ADSS1: variants seen among roughly 807,000 people sequenced by gnomAD.
ADSS1 encodes the protein adenylosuccinate synthase 1, also known as adenylosuccinate synthetase isozyme 1.
A neutral mutation model predicts 59.1 loss-of-function variants in ADSS1; 57 were observed. The ratio of observed to expected loss-of-function variants is 0.97; its 90% CI spans 0.78 to 1.20. The LOEUF (loss-of-function observed/expected upper bound fraction) is 1.20. Among genes scored for constraint, ADSS1 ranks in the 50% most tolerant of loss-of-function variants. The probability of loss-of-function intolerance (pLI) is 0.00; values close to 1 mark genes in which losing one functional copy is unlikely to be tolerated. For synonymous variants in ADSS1, 247 were observed against 249.4 expected (o/e 0.99, Z 0.09); for missense variants, 603 against 610.3 (o/e 0.99, Z 0.13).
chr14:104,738,451 T>C lies in ADSS1; in HGVS notation c.358+13T>C. On this transcript the variant is annotated intron_variant, in intron 3 of 12. Coordinates refer to ENST00000330877, the MANE Select transcript of ADSS1 (RefSeq NM_152328.5). ...AATGAAAAGAAAGGTAGGTCCAAGCTCCTGCAGACTTGCCCTGTCCCAGAC... is the reference window on the plus strand; with the variant it reads ...AATGAAAAGAAAGGTAGGTCCAAGCCCCTGCAGACTTGCCCTGTCCCAGAC... 3.7e-6 allele frequency: 6 copies of C among 1,613,206 alleles called. No homozygotes were observed. The highest frequency in any genetic ancestry group is 5.1e-6 in the Non-Finnish European group (6 of 1,179,636).
chr14:104,739,914 T>C (rs1595207993), intron 5 of ADSS1, 98 bp downstream of exon 5: 2 of 1,311,184 alleles, frequency 1.5e-6, no homozygotes, highest in Admixed American at 1.9e-5. Context: ...ACGAGGAGGG[T>C]ACCTCAACCC....
At position 104,741,877 on chromosome 14, in the gene ADSS1, T is replaced by G. The variant is rs765472066; in HGVS notation, c.823T>G (p.Cys275Gly). Residue 275 changes from cysteine (C) to glycine (G), a missense_variant, in exon 9 of 13, where the codon TGC becomes GGC. By Grantham distance (159) the Cys-to-Gly change is radical (BLOSUM62 -3). Coordinates refer to ENST00000330877, the MANE Select transcript of ADSS1 (RefSeq NM_152328.5). ...CTACCCCTTTGTGACTTCATCCAAC[T>G]GCACCGTGGGCGGTGTGTGCACGGG... ...GTYPFVTSSNCTVGGVCTGLG... is the reference protein window; with the variant it reads ...GTYPFVTSSNGTVGGVCTGLG... 13 of 1,613,300 alleles carry G rather than the reference T, an allele frequency of 8.1e-6. No individual in the cohort carries two copies. The highest frequency in any genetic ancestry group is 2.2e-5 in the South Asian group (2 of 91,094).
chr14:104,725,764 G>A (rs1273033222), intron 1 of ADSS1, among the ~76,000 whole-genome samples: 4 of 152,164 alleles, frequency 2.6e-5, no homozygotes, highest in African/African-American at 7.2e-5. Flanking sequence ...ACCCTCCAGG[G>A]CGCCCTCAGC....
At chr14:104,738,669 A>T (rs1406405852) in intron 3 of ADSS1, among the ~76,000 whole-genome samples, 1 of 152,232 alleles carries the variant, frequency 6.6e-6, no homozygotes, top group Non-Finnish European at 1.5e-5. Context: ...GCCAGGTAGC[A>T]CCTGGGAAGT....
At position 104,724,524 on chromosome 14, in the gene ADSS1, G is replaced by T. The variant is rs559509453; in HGVS notation, c.192+62G>T. On this transcript the variant is annotated intron_variant, in intron 1 of 12. Coordinates refer to ENST00000330877, the MANE Select transcript of ADSS1 (RefSeq NM_152328.5). Reference sequence around the variant, plus strand: ...CAGCGAGCCCCCCTCCCCCGACCCAGACGGCCCCTGTCCTCCCATGCCCTG... The same window carrying T: ...CAGCGAGCCCCCCTCCCCCGACCCATACGGCCCCTGTCCTCCCATGCCCTG... 10 of 984,372 alleles carry T rather than the reference G, an allele frequency of 1.0e-5. No homozygotes were observed. In the South Asian group the frequency reaches 4.7e-4, roughly 46 times the overall value. The allele number at this position is 984,372 out of a possible 1,614,324, so 61.0% of individuals were successfully genotyped here.
chr14:104,746,790 T>C (rs2140835944), intron 12 of ADSS1, 161 bp from the exon 13 acceptor site: 1 of 713,968 alleles, frequency 1.4e-6, no homozygotes, highest in South Asian at 1.9e-5. Context: ...TCCCCCAACA[T>C]GCACTACCTT....
At chr14:104,735,676 A>T (rs1042421573) in intron 2 of ADSS1, among the ~76,000 whole-genome samples, 1 of 152,016 alleles carries the variant, frequency 6.6e-6, no homozygotes, top group African/African-American at 2.4e-5. Context: ...CTCCTTCCAC[A>T]TCGCCTGCCC....
Position 104,747,103 on chromosome 14 carries a change from G to A in ADSS1, c.*100G>A. 9.1e-7 allele frequency: 1 copy of A among 1,095,116 alleles called. No individual in the cohort carries two copies. Among genetic ancestry groups the A allele is most frequent in the Admixed American group, 2.3e-5 (1 of 43,164 alleles). The allele number at this position is 1,095,116 out of a possible 1,614,324, so 67.8% of individuals were successfully genotyped here. A position where few individuals can be genotyped will look rare whatever the true frequency, so the allele number is the denominator to read the frequency against. On this transcript the variant is annotated 3_prime_UTR_variant, in exon 13 of 13. Transcript: ENST00000330877. ...GCCGCCACAACCAACACCAAAGCAG[G>A]AAAACCATTTTCTGTACTTTTATAT...
At chr14:104,731,012 C>G (rs1426306875) in intron 1 of ADSS1, among the ~76,000 whole-genome samples, 1 of 147,790 alleles carries the variant, frequency 6.8e-6, no homozygotes, top group Non-Finnish European at 1.5e-5. Flanking sequence ...TGTCCTGACC[C>G]AAGCCTGCAC....
chr14:104,728,629 C>T (rs1323233874), intron 1 of ADSS1, among the ~76,000 whole-genome samples: 1 of 152,210 alleles, frequency 6.6e-6, no homozygotes, highest in African/African-American at 2.4e-5. Context: ...TTGCTCTGTG[C>T]CGGGCACAGT....
intron 4 of ADSS1, 52 bp downstream of exon 4, chr14:104,739,430 C>T: frequency 1.3e-6 from 2 of 1,565,474 alleles, no homozygotes; most frequent in Non-Finnish European, 1.7e-6. Flanking sequence ...CCCACCATTG[C>T]CAGCCGGCCC....
chr14:104,728,644 G>C (rs549367578), intron 1 of ADSS1, among the ~76,000 whole-genome samples: 21 of 152,194 alleles, frequency 1.4e-4, no homozygotes, highest in Non-Finnish European at 2.6e-4. Context: ...CACAGTCGTC[G>C]TACAAACTGC....
In ADSS1 at chr14:104,740,459, G is replaced by A. The variant is rs913160234; in HGVS notation, c.477-142G>A. On this transcript the variant is annotated intron_variant, in intron 5 of 12. Transcript: ENST00000330877. This position sits in a 1 kb window ranked among gnomAD's most constrained non-coding sequence, Gnocchi z 4.8. ...CATGCTAGTGCGTACACCCACACACGCACACACTCACAGCTCAGCCAGACA... is the reference window on the plus strand; with the variant it reads ...CATGCTAGTGCGTACACCCACACACACACACACTCACAGCTCAGCCAGACA... 9 of 722,056 alleles carry A rather than the reference G, an allele frequency of 1.2e-5. No individual in the cohort carries two copies. Among genetic ancestry groups the A allele is most frequent in the Middle Eastern group, 2.4e-4 (1 of 4,140 alleles). 44.7% of individuals were successfully genotyped at this position (722,056 alleles called of 1,614,324 possible).
chr14:104,744,566 T>C (rs748223864), intron 10 of ADSS1: 6 of 529,134 alleles, frequency 1.1e-5, no homozygotes, highest in Non-Finnish European at 2.0e-5. Context: ...CAGTTCACAA[T>C]AGGGTTCAGG....
chr14:104,740,473 C>A lies in ADSS1; in HGVS notation c.477-128C>A. 1.3e-6 allele frequency: 1 copy of A among 798,796 alleles called. No homozygotes were observed. Among genetic ancestry groups the A allele is most frequent in the Non-Finnish European group, 2.1e-6 (1 of 483,782 alleles). 49.5% of individuals were successfully genotyped at this position (798,796 alleles called of 1,614,324 possible). On this transcript the variant is annotated intron_variant, in intron 5 of 12. Coordinates refer to ENST00000330877, the MANE Select transcript of ADSS1 (RefSeq NM_152328.5). This position sits in a 1 kb window ranked among gnomAD's most constrained non-coding sequence, Gnocchi z 4.8. ...CACCCACACACGCACACACTCACAG[C>A]TCAGCCAGACACAGGCAGCAATGGT...
rs538253199 is a variant in ADSS1, at chr14:104,741,706, A to G, written c.794-142A>G. 87 of 1,001,146 alleles carry G rather than the reference A, an allele frequency of 8.7e-5. No individual in the cohort carries two copies. The African/African-American group carries it at 1.1e-3, about 13-fold the overall frequency. The allele number at this position is 1,001,146 out of a possible 1,614,324, so 62.0% of individuals were successfully genotyped here. A position where few individuals can be genotyped will look rare whatever the true frequency, so the allele number is the denominator to read the frequency against. ...GCACCCATTCGGCCACTCCACCAGG[A>G]CAGGCCAGGCTGGCGACCCCACGGA... On this transcript the variant is annotated intron_variant, in intron 8 of 12. Transcript: ENST00000330877.
chr14:104,732,607 C>G (rs1482772720), intron 1 of ADSS1, among the ~76,000 whole-genome samples: 1 of 152,234 alleles, frequency 6.6e-6, no homozygotes, highest in Non-Finnish European at 1.5e-5. Flanking sequence ...CCAACAGAGC[C>G]AGGGTGTGCC....
intron 2 of ADSS1, 103 bp from the exon 3 acceptor site, chr14:104,738,273 C>T: frequency 1.6e-6 from 2 of 1,230,058 alleles, no homozygotes; most frequent in South Asian, 1.3e-5. Flanking sequence ...GCTAGGATTA[C>T]AGGCATGAGC....
rs571704897 is a variant in ADSS1, at chr14:104,747,123, T to C, written c.*120T>C. 14 of 871,224 alleles carry C rather than the reference T, an allele frequency of 1.6e-5. 1 individual carries two copies. The South Asian group carries it at 2.9e-4, about 18-fold the overall frequency. The allele number at this position is 871,224 out of a possible 1,614,324, so 54.0% of individuals were successfully genotyped here. ...AGCAGGAAAACCATTTTCTGTACTT[T>C]TATATTTCTGTTCAACCTGTTGGTT... On this transcript the variant is annotated 3_prime_UTR_variant, in exon 13 of 13. Transcript: ENST00000330877.
Sources: allele counts gnomAD v4.1 joint callset (sites outside exome capture counted in the v4.1 genomes callset), GRCh38; gene constraint gnomAD v4.1.1; non-coding constraint Gnocchi (gnomAD v3.1); transcripts MANE v1.5; gene names NCBI Gene and HGNC (gene_info 2026-07-23, HGNC 2026-07-21).